ZNF367: variants seen among roughly 807,000 people sequenced by gnomAD.
ZNF367 encodes the protein zinc finger protein 367.
A neutral mutation model predicts 31.8 loss-of-function variants in ZNF367; 11 were observed. That is an observed-to-expected ratio of 0.35 (90% CI 0.22 to 0.57). The LOEUF is 0.57. Among genes scored for constraint, ZNF367 ranks in the 20% least tolerant of loss-of-function variants. The pLI is 0.85. For synonymous variants in ZNF367, 199 were observed against 202.4 expected (o/e 0.98, Z 0.14); for missense variants, 353 against 484.1 (o/e 0.73, Z 2.54).
intron 1 of ZNF367, among the ~76,000 whole-genome samples, chr9:96,405,263 C>T (rs920220705): frequency 1.4e-5 from 2 of 143,378 alleles, no homozygotes; most frequent in Admixed American, 7.3e-5. Context: ...TGCAGTGAGC[C>T]GAGATCACAC....
chr9:96,390,870 T>A (rs1587741136), intron 4 of ZNF367, among the ~76,000 whole-genome samples: 2 of 98,196 alleles, frequency 2.0e-5, no homozygotes, highest in African/African-American at 4.2e-5. Context: ...GACAACAGAG[T>A]AAGACCCTGT....
intron 1 of ZNF367, among the ~76,000 whole-genome samples, chr9:96,410,357 C>G (rs1279621570): frequency 6.7e-6 from 1 of 149,812 alleles, no homozygotes; most frequent in Non-Finnish European, 1.5e-5. Flanking sequence ...GTCAGGAGAT[C>G]GAGACCATCC....
At chr9:96,407,515 AATG>A (rs1436929992) in intron 1 of ZNF367, 1 of 1,273,598 alleles carries the variant, frequency 7.9e-7, no homozygotes, top group African/African-American at 1.5e-5. Flanking sequence ...CAAACAAAAG[AATG>A]ATGAAAAGAC....
rs1831483361 is a variant in ZNF367 at position 96,392,450 on chromosome 9, G to A, written c.778C>T (p.Leu260Phe). Residue 260 changes from leucine to phenylalanine, a missense_variant, in exon 4 of 5, where the codon CTC (leucine) becomes TTC (phenylalanine). Leu to Phe is a conservative substitution (Grantham distance 22). Transcript: ENST00000375256. ...TTGTCGGCAGCCTGATGTTTGCTGA[G>A]TGTGTCCGTGGGCTCCTCTCTCTTC... ...RLKREEPTDT[L>F]SKHQAADNKA... 6.2e-7 allele frequency: 1 copy of A among 1,614,096 alleles called. No homozygotes were observed. The highest frequency in any genetic ancestry group is 8.5e-7 in the Non-Finnish European group (1 of 1,180,032).
rs1831415248 is a variant in ZNF367, at chr9:96,387,102, C to T, written c.*1135G>A. 1 of 152,156 alleles carries T rather than the reference C, an allele frequency of 6.6e-6. No individual in the cohort carries two copies. Among genetic ancestry groups the T allele is most frequent in the African/African-American group, 2.4e-5 (1 of 41,440 alleles). The allele number at this position is 152,156 out of a possible 1,614,324, so 9.4% of individuals were successfully genotyped here. ...TTGGAAAAATGGCTTCAAACCACCA[C>T]ACAAGTTAACACACTTGCAGTTAAA... is the stretch of plus-strand genomic sequence containing the variant. On this transcript the variant is annotated 3_prime_UTR_variant, in exon 5 of 5. Transcript: ENST00000375256.
At chr9:96,415,230 T>TTC (rs985880593) in intron 1 of ZNF367, among the ~76,000 whole-genome samples, 1 of 149,566 alleles carries the variant, frequency 6.7e-6, no homozygotes, top group African/African-American at 2.5e-5. Flanking sequence ...AATTTTTTTT[T>TTC]TTTTTTTTTT....
At chr9:96,388,704 C>T (rs1324027292) in intron 4 of ZNF367, among the ~76,000 whole-genome samples, 3 of 152,314 alleles carry the variant, frequency 2.0e-5, no homozygotes, top group Admixed American at 6.5e-5. Context: ...ACTCTCAAAT[C>T]ACGTTTTTGC....
In ZNF367 at chr9:96,417,917, G is replaced by A. The variant is rs758839140; in HGVS notation, c.116C>T (p.Pro39Leu). ...RVLVSVIRTT[P>L]IKPTCGGGGE... The stretch of plus-strand genomic sequence containing the variant: ...TCCACCGCCGCACGTTGGCTTGATC[G>A]GGGTCGTCCTGATGACCGACACCAG... Residue 39 changes from proline (P) to leucine (L), a missense_variant, in exon 1 of 5, where the codon CCG becomes CTG. Coordinates refer to ENST00000375256, the MANE Select transcript of ZNF367 (RefSeq NM_153695.4). The surrounding 1 kb of genome is among the most constrained non-coding windows in gnomAD (Gnocchi z 5.0). 3.9e-6 allele frequency: 6 copies of A among 1,527,074 alleles called. No homozygotes were observed. In the South Asian group the frequency reaches 7.2e-5, roughly 18 times the overall value. The allele number at this position is 1,527,074 out of a possible 1,614,324, so 94.6% of individuals were successfully genotyped here.
Position 96,417,582 on chromosome 9 carries a change from T to TCCCGCCCG in ZNF367, c.420+23_420+30dup, listed in dbSNP as rs746476113. ...GTTAACGGGCCCCGGCTGCCCCACGTCCCGCCCGCCCGCCCGCCCGCGCCG... is the reference window on the plus strand; with the variant it reads ...GTTAACGGGCCCCGGCTGCCCCACGTCCCGCCCGCCCGCCCGCCCGCCCGCCCGCGCCG... On this transcript the variant is annotated intron_variant, in intron 1 of 4. Coordinates refer to ENST00000375256, the MANE Select transcript of ZNF367 (RefSeq NM_153695.4). The surrounding 1 kb of genome is among the most constrained non-coding windows in gnomAD (Gnocchi z 5.0). 15 of 417,812 alleles carry TCCCGCCCG rather than the reference T, an allele frequency of 3.6e-5. No individual in the cohort carries two copies. The highest frequency in any genetic ancestry group is 6.8e-4 in the Middle Eastern group (1 of 1,470). 25.9% of individuals were successfully genotyped at this position (417,812 alleles called of 1,614,324 possible). A position where few individuals can be genotyped will look rare whatever the true frequency, so the allele number is the denominator to read the frequency against.
Position 96,418,219 on chromosome 9 carries a change from C to T in ZNF367, c.-187G>A. 2 of 852,902 alleles carry T rather than the reference C, an allele frequency of 2.3e-6. No homozygotes were observed. Among genetic ancestry groups the T allele is most frequent in the African/African-American group, 1.7e-5 (1 of 57,188 alleles). 52.8% of individuals were successfully genotyped at this position (852,902 alleles called of 1,614,324 possible). A position where few individuals can be genotyped will look rare whatever the true frequency, so the allele number is the denominator to read the frequency against. On this transcript the variant is annotated 5_prime_UTR_variant, in exon 1 of 5. Coordinates refer to ENST00000375256, the MANE Select transcript of ZNF367 (RefSeq NM_153695.4). ...GACGGCACCGGCGGGCAGGGCTGGA[C>T]CCCAGCCCCAGGTCAAGCGCGCCCT...
chr9:96,388,423 C>T lies in ZNF367; in HGVS notation c.867G>A (p.Leu289=), dbSNP rs745622118. The change falls in exon 5 of 5, where the codon TTG becomes TTA. Residue 289 remains leucine (L), a synonymous_variant. Transcript: ENST00000375256. Reference sequence around the variant, plus strand: ...CAGCCTTCTGAACCAGCTTGCCTTTCAAAGTGGGGGTGCGCTGCTCTCTCA... The same window carrying T: ...CAGCCTTCTGAACCAGCTTGCCTTTTAAAGTGGGGGTGCGCTGCTCTCTCA... The part of the protein sequence containing the change: ...WEMREQRTPT[L]KGKLVQKADQ... The T allele has an allele frequency of 6.2e-7, 1 of 1,614,008 alleles. No homozygotes were observed. The highest frequency in any genetic ancestry group is 1.7e-5 in the Admixed American group (1 of 60,016).
chr9:96,415,800 G>T (rs751484401), intron 1 of ZNF367, among the ~76,000 whole-genome samples: 1 of 151,294 alleles, frequency 6.6e-6, no homozygotes, highest in Non-Finnish European at 1.5e-5. Context: ...CACCTGGCAA[G>T]TTTCTTCAAT....
chr9:96,388,686 T>G (rs901558853), intron 4 of ZNF367, among the ~76,000 whole-genome samples: 5 of 152,228 alleles, frequency 3.3e-5, no homozygotes, highest in Admixed American at 2.6e-4. Context: ...GTTCTAGATC[T>G]TCTACTCACT....
intron 1 of ZNF367, among the ~76,000 whole-genome samples, chr9:96,413,214 A>G (rs1831774679): frequency 6.6e-6 from 1 of 152,136 alleles, no homozygotes; most frequent in Non-Finnish European, 1.5e-5. Context: ...CTCATCAGGT[A>G]AACAGGATAA....
In ZNF367 at chr9:96,417,072, C is replaced by G. The variant is rs999677106; in HGVS notation, c.420+541G>C. Among the ~76,000 whole-genome samples, 2 of 152,232 alleles carry G rather than the reference C, an allele frequency of 1.3e-5. No individual in the cohort carries two copies. The highest frequency in any genetic ancestry group is 3.8e-4 in the East Asian group (2 of 5,200). ...TTAGCGTCCCATTCCACTATGTGCT[C>G]TCAACACCTAGCAAGTAGTATGCTG... On this transcript the variant is annotated intron_variant, in intron 1 of 4. Transcript: ENST00000375256. This position sits in a 1 kb window ranked among gnomAD's most constrained non-coding sequence, Gnocchi z 5.0.
chr9:96,390,754 C>G (rs954344171), intron 4 of ZNF367, among the ~76,000 whole-genome samples: 1 of 151,924 alleles, frequency 6.6e-6, no homozygotes, highest in African/African-American at 2.4e-5. Flanking sequence ...CATGGTGGCA[C>G]ACACCTGTGG....
rs538474055 is a variant in ZNF367 at position 96,393,378 on chromosome 9, G to A, written c.692-842C>T. Among the ~76,000 whole-genome samples, 166 of 151,812 alleles carry A rather than the reference G, an allele frequency of 1.1e-3. 3 individuals carry two copies. Among genetic ancestry groups the A allele is most frequent in the Admixed American group, 2.7e-3 (41 of 15,232 alleles). Reference sequence around the variant, plus strand: ...TCTACTAAAAATACAAAAATTAGCCGGACATGGTGGCACAAGCCTGTAATT... The same window carrying A: ...TCTACTAAAAATACAAAAATTAGCCAGACATGGTGGCACAAGCCTGTAATT... On this transcript the variant is annotated intron_variant, in intron 3 of 4. Coordinates refer to ENST00000375256, the MANE Select transcript of ZNF367 (RefSeq NM_153695.4).
chr9:96,396,793 G>A (rs919138213), intron 2 of ZNF367, among the ~76,000 whole-genome samples: 8 of 151,494 alleles, frequency 5.3e-5, no homozygotes, highest in South Asian at 4.2e-4. Flanking sequence ...TCAGTTTCCC[G>A]AGTAACTGAG....
intron 1 of ZNF367, among the ~76,000 whole-genome samples, chr9:96,409,995 G>C (rs1831720973): frequency 1.3e-5 from 2 of 152,308 alleles, no homozygotes; most frequent in South Asian, 4.1e-4. Flanking sequence ...AAAACCACAG[G>C]CCAGGCGCGG....
Sources: gnomAD v4.1 joint callset for allele counts (sites outside exome capture counted in the v4.1 genomes callset) on GRCh38, gnomAD v4.1.1 for gene constraint, Gnocchi (gnomAD v3.1) non-coding constraint, MANE v1.5 for transcripts, NCBI Gene and HGNC (gene_info 2026-07-23, HGNC 2026-07-21) for gene names.